The following MALRD1 variants were observed in gnomAD, a reference collection of about 807,000 sequenced individuals.
The protein encoded by MALRD1 is MAM and LDL receptor class A domain containing 1, also known as MAM and LDL-receptor class A domain-containing protein 1.
In MALRD1, 247 loss-of-function variants were observed where a neutral mutation model predicts 242.1. The ratio of observed to expected loss-of-function variants is 1.02; its 90% CI spans 0.92 to 1.13. MALRD1 has a LOEUF of 1.13. Among genes scored for constraint, MALRD1 ranks in the 50% most tolerant of loss-of-function variants. MALRD1 has a pLI of 0.00. For synonymous variants in MALRD1, 995 were observed against 866.6 expected, an observed-to-expected ratio of 1.15 and a Z score of -2.60; for missense variants, 2,989 against 2,533.1, an observed-to-expected ratio of 1.18 and a Z score of -3.86.
intron 38 of MALRD1, among the ~76,000 whole-genome samples, chr10:19,705,804 T>TGAAAAAAAA (rs71388859): frequency 1.9e-5 from 2 of 102,900 alleles, no homozygotes; most frequent in Non-Finnish European, 3.5e-5. Context: ...CCTGCAATAG[T>TGAAAAAAAA]AAAAAAAAAA....
intron 2 of MALRD1, among the ~76,000 whole-genome samples, chr10:19,069,632 C>A (rs931857463): frequency 2.6e-5 from 4 of 151,582 alleles, no homozygotes; most frequent in African/African-American, 7.3e-5. Flanking sequence ...ATTTTGCCTT[C>A]ATTCTTGAAA....
At chr10:19,064,534 G>A (rs933567782) in intron 1 of MALRD1, among the ~76,000 whole-genome samples, 2 of 149,152 alleles carry the variant, frequency 1.3e-5, no homozygotes, top group Admixed American at 1.3e-4. Context: ...AGAATTAATT[G>A]AAAACCTGTG....
At chr10:19,578,690 G>C (rs1836950287) in intron 33 of MALRD1, among the ~76,000 whole-genome samples, 1 of 151,060 alleles carries the variant, frequency 6.6e-6, no homozygotes, top group East Asian at 1.9e-4. Context: ...GAGTTGACAA[G>C]CTCATGGCTG....
At chr10:19,471,602 T>C (rs1223880169) in intron 29 of MALRD1, among the ~76,000 whole-genome samples, 1 of 124,172 alleles carries the variant, frequency 8.1e-6, no homozygotes, top group East Asian at 2.3e-4. Flanking sequence ...CTTTTCCTAT[T>C]TTTCTCAGGA....
chr10:19,602,449 G>GC (rs1554811146), intron 34 of MALRD1, among the ~76,000 whole-genome samples: 1 of 145,862 alleles, frequency 6.9e-6, no homozygotes, highest in Non-Finnish European at 1.5e-5. Context: ...CGCGGTGTTT[G>GC]TTTTTTTTTC....
chr10:19,705,823 A>G (rs898164131), intron 38 of MALRD1, among the ~76,000 whole-genome samples: 8 of 150,080 alleles, frequency 5.3e-5, no homozygotes, highest in Non-Finnish European at 7.4e-5. Context: ...AAAAAAGCCC[A>G]CAAGAGAGGC....
intron 36 of MALRD1, among the ~76,000 whole-genome samples, chr10:19,683,659 C>A (rs1842463863): frequency 6.6e-6 from 1 of 152,116 alleles, no homozygotes; most frequent in African/African-American, 2.4e-5. Flanking sequence ...ATTTTCAGAC[C>A]TTTACAGCCA....
intron 28 of MALRD1, among the ~76,000 whole-genome samples, chr10:19,431,973 CTTCTACG>C (rs1246606153): frequency 6.6e-6 from 1 of 151,962 alleles, no homozygotes; most frequent in Non-Finnish European, 1.5e-5. Context: ...TCCCAGTGTT[CTTCTACG>C]TTCTACCATA....
At chr10:19,266,632 ACT>A (rs1203045084) in intron 19 of MALRD1, among the ~76,000 whole-genome samples, 4 of 151,926 alleles carry the variant, frequency 2.6e-5, no homozygotes, top group East Asian at 1.9e-4. Context: ...ATCACTTATA[ACT>A]CTAAATACTA....
At position 19,615,516 on chromosome 10, in the gene MALRD1, CAA is replaced by C. The variant is rs530920512; in HGVS notation, c.6071-323_6071-322del. Among the ~76,000 whole-genome samples, 18 of 37,218 alleles carry C rather than the reference CAA, an allele frequency of 4.8e-4. No individual in the cohort carries two copies. In the South Asian group the frequency reaches 0.019, roughly 38 times the overall value. The allele number at this position is 37,218 out of a possible 152,430, so 24.4% of individuals were successfully genotyped here. A position where few individuals can be genotyped will look rare whatever the true frequency, so the allele number is the denominator to read the frequency against. On this transcript the variant is annotated intron_variant, in intron 35 of 39. Coordinates refer to ENST00000454679, the MANE Select transcript of MALRD1 (RefSeq NM_001142308.3). ...TGAATGACAGAGCAAGACCCTGCCT[CAA>C]AAAAAAAAAAAAAAAAAGAGGAAGA...
intron 38 of MALRD1, among the ~76,000 whole-genome samples, chr10:19,693,273 G>A (rs1252046663): frequency 6.6e-6 from 1 of 151,828 alleles, no homozygotes; most frequent in Non-Finnish European, 1.5e-5. Flanking sequence ...TAGGAAAAGA[G>A]GAAGTCAAAT....
chr10:19,722,194 G>A (rs1394261667), intron 38 of MALRD1: 1 of 152,180 alleles, frequency 6.6e-6, no homozygotes, highest in Non-Finnish European at 1.5e-5. Context: ...AGAACTTATA[G>A]TCTAGTTGGG....
At chr10:19,438,035 A>T (rs1163266556) in intron 28 of MALRD1, among the ~76,000 whole-genome samples, 1 of 151,866 alleles carries the variant, frequency 6.6e-6, no homozygotes, top group Admixed American at 6.6e-5. Flanking sequence ...AGATTTTTTT[A>T]TTTTAAATTG....
intron 14 of MALRD1, among the ~76,000 whole-genome samples, chr10:19,191,725 C>T (rs71497269): frequency 1.1e-4 from 16 of 152,032 alleles, no homozygotes; most frequent in African/African-American, 3.1e-4. Context: ...TGGCCGGGTG[C>T]GGTTACTCAC....
chr10:19,432,302 G>C lies in MALRD1; in HGVS notation c.4846-18005G>C, dbSNP rs142033309. On this transcript the variant is annotated intron_variant, in intron 28 of 39. Transcript: ENST00000454679. ...ACCTATGTAAATGAAACAATTCACT[G>C]TTTAGGAAAAACACCCTTTGGTGAA... Among the ~76,000 whole-genome samples, 129 of 152,206 alleles carry C rather than the reference G, an allele frequency of 8.5e-4. No individual in the cohort carries two copies. The East Asian group carries it at 0.017, about 21-fold the overall frequency.
intron 38 of MALRD1, among the ~76,000 whole-genome samples, chr10:19,699,349 T>A (rs530898446): frequency 2.8e-5 from 4 of 145,194 alleles, no homozygotes; most frequent in Admixed American, 1.3e-4. Flanking sequence ...GAAATTGTAC[T>A]ATGTCTCAGT....
At chr10:19,724,257 AG>A (rs1259320785) in intron 38 of MALRD1, among the ~76,000 whole-genome samples, 2 of 152,236 alleles carry the variant, frequency 1.3e-5, no homozygotes, top group East Asian at 3.9e-4. Flanking sequence ...AATTGGCGGG[AG>A]GGGGAAGCAC....
chr10:19,475,378 G>C (rs983208195), intron 29 of MALRD1, among the ~76,000 whole-genome samples: 3 of 152,134 alleles, frequency 2.0e-5, no homozygotes, highest in African/African-American at 7.2e-5. Flanking sequence ...TTGCATCACT[G>C]CATTCCAGCC....
intron 33 of MALRD1, among the ~76,000 whole-genome samples, chr10:19,576,828 C>T (rs11010520): frequency 0.084 from 12,758 of 152,204 alleles, 759 homozygotes; most frequent in African/African-American, 0.17. Context: ...ATCCTCCCCA[C>T]AGGAAACCAC....
Sources: allele counts gnomAD v4.1 joint callset (sites outside exome capture counted in the v4.1 genomes callset), GRCh38; gene constraint gnomAD v4.1.1; transcripts MANE v1.5; gene names NCBI Gene and HGNC (gene_info 2026-07-23, HGNC 2026-07-21).